CSNK1G1: variants seen among roughly 807,000 people sequenced by gnomAD.
The protein encoded by CSNK1G1 is casein kinase I isoform gamma-1.
Under a neutral mutation model 59.6 loss-of-function variants are expected in CSNK1G1, and 22 were observed. The ratio of observed to expected loss-of-function variants is 0.37; its 90% confidence interval spans 0.26 to 0.53. The LOEUF (loss-of-function observed/expected upper bound fraction) is 0.53, where lower values mean the gene tolerates loss of function less well. Among genes scored for constraint, CSNK1G1 ranks in the 20% least tolerant of loss-of-function variants. CSNK1G1 has a pLI of 0.89. For missense variants in CSNK1G1, 384 were observed against 519.5 expected, an observed-to-expected ratio of 0.74 and a Z score of 2.54; for synonymous variants, 179 against 177.1, an observed-to-expected ratio of 1.01 and a Z score of -0.08.
At chr15:64,215,995 C>T (rs1348937141) in intron 5 of CSNK1G1, among the ~76,000 whole-genome samples, 2 of 152,050 alleles carry the variant, frequency 1.3e-5, no homozygotes, top group African/African-American at 4.8e-5. Flanking sequence ...CATTGGGAGG[C>T]CGAGGTGGGA....
At chr15:64,243,707 G>C (rs2140308370) in intron 4 of CSNK1G1, among the ~76,000 whole-genome samples, 1 of 152,194 alleles carries the variant, frequency 6.6e-6, no homozygotes, top group Non-Finnish European at 1.5e-5. Flanking sequence ...CAAGTTGCAA[G>C]ATACAAAAGC....
At chr15:64,295,370 A>G (rs1894966363) in intron 2 of CSNK1G1, among the ~76,000 whole-genome samples, 1 of 152,180 alleles carries the variant, frequency 6.6e-6, no homozygotes, top group East Asian at 1.9e-4. Context: ...TTCCTCATTT[A>G]TAAGGTCTCT....
intron 2 of CSNK1G1, among the ~76,000 whole-genome samples, chr15:64,298,495 T>C (rs72756985): frequency 0.044 from 6,729 of 152,278 alleles, 195 homozygotes; most frequent in South Asian, 0.085. Context: ...ATCTTACTCG[T>C]ATTGTAAGTA....
intron 2 of CSNK1G1, among the ~76,000 whole-genome samples, chr15:64,272,173 A>G (rs887239619): frequency 4.0e-5 from 6 of 151,144 alleles, no homozygotes; most frequent in African/African-American, 9.7e-5. Context: ...TGAAGACAAC[A>G]TACTATTGGG....
At chr15:64,227,288 C>A (rs1387130105) in intron 4 of CSNK1G1, among the ~76,000 whole-genome samples, 1 of 152,162 alleles carries the variant, frequency 6.6e-6, no homozygotes, top group Admixed American at 6.5e-5. Context: ...GCTGGGCAAG[C>A]CACAAGTATG....
intron 2 of CSNK1G1, among the ~76,000 whole-genome samples, chr15:64,275,285 C>T (rs373151350): frequency 1.3e-5 from 2 of 152,122 alleles, no homozygotes; most frequent in Non-Finnish European, 2.9e-5. Flanking sequence ...GTGAGCCTCC[C>T]GTCTGGGCCT....
At chr15:64,331,969 A>G (rs1163922899) in intron 1 of CSNK1G1, among the ~76,000 whole-genome samples, 1 of 151,902 alleles carries the variant, frequency 6.6e-6, no homozygotes, top group Admixed American at 6.6e-5. Context: ...CAAAACCACA[A>G]TGAGATACCA....
chr15:64,239,796 T>C (rs1025062616), intron 4 of CSNK1G1, among the ~76,000 whole-genome samples: 1 of 152,086 alleles, frequency 6.6e-6, no homozygotes, highest in African/African-American at 2.4e-5. Flanking sequence ...GAGATAGATA[T>C]AGAAAAGAAC....
intron 1 of CSNK1G1, among the ~76,000 whole-genome samples, chr15:64,313,995 G>A (rs1333965481): frequency 2.6e-5 from 4 of 152,112 alleles, no homozygotes; most frequent in Admixed American, 6.5e-5. Flanking sequence ...AGAACTTCTA[G>A]TGTAGAGAGG....
intron 11 of CSNK1G1, among the ~76,000 whole-genome samples, chr15:64,174,046 T>C (rs1436573911): frequency 6.6e-6 from 1 of 152,224 alleles, no homozygotes; most frequent in African/African-American, 2.4e-5. Context: ...TGAATCATGA[T>C]TTTCACAGGT....
chr15:64,351,596 G>A (rs926734722), intron 1 of CSNK1G1, among the ~76,000 whole-genome samples: 4 of 152,008 alleles, frequency 2.6e-5, no homozygotes, highest in African/African-American at 4.8e-5. Context: ...ATAGATTATC[G>A]GGCCAGGCAC....
At chr15:64,230,756 A>G (rs1391971083) in intron 4 of CSNK1G1, among the ~76,000 whole-genome samples, 2 of 151,988 alleles carry the variant, frequency 1.3e-5, no homozygotes, top group African/African-American at 4.8e-5. Flanking sequence ...GTGGATCACT[A>G]GGTCAGAAGA....
chr15:64,271,180 G>A (rs559619341), intron 2 of CSNK1G1, among the ~76,000 whole-genome samples: 2 of 152,126 alleles, frequency 1.3e-5, no homozygotes, highest in Non-Finnish European at 2.9e-5. Context: ...TAGAGACAGG[G>A]TTTCACCATG....
rs1474784999 is a variant in CSNK1G1, at chr15:64,166,190, C to T, written c.*5741G>A. The stretch of plus-strand genomic sequence containing the variant: ...ATACATTATCTAGTTGTTTAAAAAT[C>T]GCAATCAACATCCCAACATCTTTTT... On this transcript the variant is annotated 3_prime_UTR_variant, in exon 12 of 12. Transcript: ENST00000303052. This position sits in a 1 kb window ranked among gnomAD's most constrained non-coding sequence, Gnocchi z 4.5. The T allele has an allele frequency of 1.6e-5, 7 of 444,510 alleles. No homozygotes were observed. The highest frequency in any genetic ancestry group is 5.0e-5 in the South Asian group (1 of 19,828). The allele number at this position is 444,510 out of a possible 1,614,324, so 27.5% of individuals were successfully genotyped here.
intron 1 of CSNK1G1, among the ~76,000 whole-genome samples, chr15:64,340,438 G>T (rs976775790): frequency 6.6e-6 from 1 of 152,032 alleles, no homozygotes; most frequent in Non-Finnish European, 1.5e-5. Flanking sequence ...CCTTGTAGTT[G>T]TTATGTAGGT....
At chr15:64,287,552 C>T (rs1894495061) in intron 2 of CSNK1G1, among the ~76,000 whole-genome samples, 1 of 152,018 alleles carries the variant, frequency 6.6e-6, no homozygotes, top group Non-Finnish European at 1.5e-5. Context: ...TATTAGCTGC[C>T]CCACCCAAAG....
chr15:64,263,545 G>A (rs1015151214), intron 2 of CSNK1G1, among the ~76,000 whole-genome samples: 3 of 152,136 alleles, frequency 2.0e-5, no homozygotes, highest in Non-Finnish European at 2.9e-5. Context: ...GCTTTTCACA[G>A]TGCAGTTGAC....
chr15:64,202,610 G>A (rs970898546), intron 10 of CSNK1G1, among the ~76,000 whole-genome samples: 4 of 151,202 alleles, frequency 2.6e-5, no homozygotes, highest in Admixed American at 6.6e-5. Flanking sequence ...GTGCAAATGC[G>A]GAAGCAATCT....
At chr15:64,349,951 C>G (rs1280261984) in intron 1 of CSNK1G1, among the ~76,000 whole-genome samples, 1 of 151,244 alleles carries the variant, frequency 6.6e-6, no homozygotes, top group Non-Finnish European at 1.5e-5. Flanking sequence ...TTAAAAAAAT[C>G]CCAAATGAAA....
Sources: allele counts gnomAD v4.1 joint callset (sites outside exome capture counted in the v4.1 genomes callset), GRCh38; gene constraint gnomAD v4.1.1; non-coding constraint Gnocchi (gnomAD v3.1); transcripts MANE v1.5; gene names NCBI Gene and HGNC (gene_info 2026-07-23, HGNC 2026-07-21).